The following ALDH18A1 variants were observed in gnomAD, a reference collection of about 807,000 sequenced individuals.
ALDH18A1 encodes the protein delta-1-pyrroline-5-carboxylate synthase.
ALDH18A1 carries 44 observed loss-of-function variants against 88.8 expected under a neutral mutation model. That is an observed-to-expected ratio of 0.50 (90% CI 0.39 to 0.64). ALDH18A1 has a LOEUF of 0.64. Ranked by LOEUF, ALDH18A1 falls within the 30% of genes least tolerant of loss-of-function variation. ALDH18A1 has a pLI of 0.00. For synonymous variants in ALDH18A1, 331 were observed against 372.1 expected (o/e 0.89, Z 1.27); for missense variants, 782 against 1,009.5 (o/e 0.77, Z 3.05).
chr10:95,612,379 C>T (rs761984565), intron 15 of ALDH18A1, among the ~76,000 whole-genome samples: 28 of 152,326 alleles, frequency 1.8e-4, no homozygotes, highest in Non-Finnish European at 3.2e-4. Context: ...AAGCTGGATC[C>T]CACTTAAACC....
At chr10:95,611,568 A>G in intron 15 of ALDH18A1, 126 bp from the exon 16 acceptor site, 1 of 1,028,270 alleles carries the variant, frequency 9.7e-7, no homozygotes, top group Non-Finnish European at 1.5e-6. Flanking sequence ...TCAACAACTG[A>G]ACTAGTCCTA....
chr10:95,624,317 G>T (rs1361654132), intron 11 of ALDH18A1, among the ~76,000 whole-genome samples: 1 of 152,170 alleles, frequency 6.6e-6, no homozygotes, highest in African/African-American at 2.4e-5. Context: ...GGAACCTTGG[G>T]CAACAACAGG....
intron 8 of ALDH18A1, among the ~76,000 whole-genome samples, chr10:95,627,944 T>C (rs1199856214): frequency 6.6e-5 from 10 of 152,256 alleles, no homozygotes; most frequent in Non-Finnish European, 1.3e-4. Flanking sequence ...TGAGTACTTC[T>C]GGCTTTTCTA....
At chr10:95,629,772 T>C (rs1025459749) in intron 7 of ALDH18A1, among the ~76,000 whole-genome samples, 1 of 152,130 alleles carries the variant, frequency 6.6e-6, no homozygotes, top group Non-Finnish European at 1.5e-5. Flanking sequence ...AAAATTCAGA[T>C]ACTGTTCTAA....
intron 13 of ALDH18A1, 127 bp downstream of exon 13, chr10:95,616,350 G>T: frequency 7.5e-7 from 1 of 1,326,186 alleles, no homozygotes; most frequent in Non-Finnish European, 1.0e-6. Flanking sequence ...AGGCTCACAG[G>T]CCTGCTGGAG....
Position 95,628,381 on chromosome 10 carries a change from C to T in ALDH18A1, c.920G>A (p.Gly307Asp), listed in dbSNP as rs146786330. The change falls in exon 8 of 18, where the codon GGC (glycine) becomes GAC (aspartate). Residue 307 changes from glycine (G) to aspartate (D), a missense_variant. By Grantham distance (94) the Gly-to-Asp change is moderately conservative. This residue lies in a region of ALDH18A1 where 556 missense variants were observed against 654.5 expected (regional missense o/e 0.85). Coordinates refer to ENST00000371224, the MANE Select transcript of ALDH18A1 (RefSeq NM_002860.4). ...CCAGATTCTTACCTTGGCTTCCATG[C>T]CACCCATTCCCACTCTAGACTTGGT... ...FGTKSRVGMG[G>D]MEAKVKAALW... 4 of 1,614,012 alleles carry T rather than the reference C, an allele frequency of 2.5e-6. No individual in the cohort carries two copies. In the African/African-American group the frequency reaches 4.0e-5, roughly 16 times the overall value.
At chr10:95,652,431 A>G (rs1454406696) in intron 2 of ALDH18A1, among the ~76,000 whole-genome samples, 2 of 152,252 alleles carry the variant, frequency 1.3e-5, no homozygotes, top group Non-Finnish European at 2.9e-5. Context: ...AAAAAGAGTA[A>G]TGAACAAAAA....
At chr10:95,635,825 T>C (rs986282972) in intron 5 of ALDH18A1, among the ~76,000 whole-genome samples, 16 of 152,274 alleles carry the variant, frequency 1.1e-4, no homozygotes, top group South Asian at 4.1e-4. Flanking sequence ...AAAGGTTTCA[T>C]CCCTGGGAAA....
At chr10:95,654,695 A>C (rs1232513544) in intron 1 of ALDH18A1, among the ~76,000 whole-genome samples, 1 of 150,866 alleles carries the variant, frequency 6.6e-6, no homozygotes, top group Non-Finnish European at 1.5e-5. Flanking sequence ...GTTCTAAAAC[A>C]TATGGCATCT....
intron 2 of ALDH18A1, among the ~76,000 whole-genome samples, chr10:95,647,087 A>G (rs1161908312): frequency 6.6e-6 from 1 of 151,768 alleles, no homozygotes; most frequent in Non-Finnish European, 1.5e-5. Context: ...TCTGCTTATC[A>G]TGGTCAGTGA....
intron 17 of ALDH18A1, among the ~76,000 whole-genome samples, chr10:95,608,941 T>G (rs2097827900): frequency 6.6e-6 from 1 of 152,224 alleles, no homozygotes; most frequent in Non-Finnish European, 1.5e-5. Context: ...AATGGTGCGG[T>G]CTCGGCTCAC....
intron 17 of ALDH18A1, among the ~76,000 whole-genome samples, chr10:95,609,059 G>A (rs963257495): frequency 6.6e-6 from 1 of 152,154 alleles, no homozygotes; most frequent in Non-Finnish European, 1.5e-5. Context: ...ATTTTTAGTA[G>A]AGATGGGGTT....
Position 95,613,578 on chromosome 10 carries a change from A to G in ALDH18A1, c.1923+164T>C, listed in dbSNP as rs1468207460. ...TGGTTTGGTTCGACTACTAGAGGGCAGGGGTTGTGTTTTACTCACACTTTA... is the reference window on the plus strand; with the variant it reads ...TGGTTTGGTTCGACTACTAGAGGGCGGGGGTTGTGTTTTACTCACACTTTA... On this transcript the variant is annotated intron_variant, in intron 15 of 17. Coordinates refer to ENST00000371224, the MANE Select transcript of ALDH18A1 (RefSeq NM_002860.4). 2.6e-5 allele frequency among the ~76,000 whole-genome samples: 4 copies of G among 152,198 alleles called. No individual in the cohort carries two copies. The East Asian group carries it at 7.7e-4, about 29-fold the overall frequency.
chr10:95,628,524 T>C (rs2097863566), intron 7 of ALDH18A1, 32 bp from the exon 8 acceptor site: 2 of 1,608,600 alleles, frequency 1.2e-6, no homozygotes, highest in Non-Finnish European at 1.7e-6. Flanking sequence ...GTAATACTGC[T>C]TTGATGGAAG....
At chr10:95,634,706 T>A (rs536306011) in intron 5 of ALDH18A1, among the ~76,000 whole-genome samples, 38 of 152,208 alleles carry the variant, frequency 2.5e-4, no homozygotes, top group African/African-American at 8.7e-4. Context: ...GGAGAGCTGG[T>A]GTGTGGGCTG....
intron 3 of ALDH18A1, among the ~76,000 whole-genome samples, chr10:95,639,120 C>T (rs1566034150): frequency 6.6e-6 from 1 of 151,910 alleles, no homozygotes; most frequent in Non-Finnish European, 1.5e-5. Context: ...CTGCTTGAGG[C>T]CAGGAATTCG....
In ALDH18A1 at chr10:95,643,188, A is replaced by G. The variant is rs1424532663; in HGVS notation, c.107T>C (p.Val36Ala). ...GCTCCAAGAACGAACATGTCTGATG[A>G]CTGAAGGCTGGATACAATCTGTAGC... is the stretch of plus-strand genomic sequence containing the variant. ...VFRSHCIQPS[V>A]IRHVRSWSNI... is the part of the protein sequence containing the mutation. Residue 36 changes from valine (V) to alanine (A), a missense_variant, in exon 3 of 18, where the codon GTC (valine) becomes GCC (alanine). Val to Ala is a moderately conservative substitution (Grantham distance 64). Transcript: ENST00000371224. 6.2e-7 allele frequency: 1 copy of G among 1,614,226 alleles called. No individual in the cohort carries two copies. The highest frequency in any genetic ancestry group is 8.5e-7 in the Non-Finnish European group (1 of 1,180,034).
chr10:95,610,131 A>G (rs1436887886), intron 17 of ALDH18A1, 66 bp downstream of exon 17: 23 of 1,497,246 alleles, frequency 1.5e-5, no homozygotes, highest in East Asian at 2.3e-5. Flanking sequence ...TCCCACCTCA[A>G]CATACCCCTA....
At chr10:95,636,717 GA>G (rs2097881364) in intron 5 of ALDH18A1, among the ~76,000 whole-genome samples, 2 of 152,202 alleles carry the variant, frequency 1.3e-5, no homozygotes, top group Non-Finnish European at 2.9e-5. Context: ...CAAGCCACCT[GA>G]AATCAAAGAA....
Sources: gnomAD v4.1 joint callset for allele counts (sites outside exome capture counted in the v4.1 genomes callset) on GRCh38, gnomAD v4.1.1 for gene constraint, gnomAD v4.1.1 regional missense constraint, MANE v1.5 for transcripts, NCBI Gene and HGNC (gene_info 2026-07-23, HGNC 2026-07-21) for gene names.